Variants in CHD7 observed in about 807,000 individuals in gnomAD.
CHD7 encodes ATP-dependent chromatin remodeler CHD7.
In CHD7, 24 loss-of-function variants were observed where a neutral mutation model predicts 307.3. The ratio of observed to expected loss-of-function variants is 0.08; its 90% CI spans 0.06 to 0.11. CHD7 has a LOEUF of 0.11. CHD7 is among the 10% of genes least tolerant of loss of function. The pLI, the probability that CHD7 is intolerant of heterozygous loss-of-function variation, is 1.00. For missense variants in CHD7, 3,106 were observed against 3,727.1 expected (o/e 0.83, Z 4.34); for synonymous variants, 1,363 against 1,349.9 (o/e 1.01, Z -0.21).
intron 1 of CHD7, among the ~76,000 whole-genome samples, chr8:60,689,746 C>A (rs1806102511): frequency 1.3e-5 from 2 of 152,202 alleles, no homozygotes; most frequent in South Asian, 4.1e-4. Flanking sequence ...TTATCAATGG[C>A]AGACATTTTC....
intron 7 of CHD7, among the ~76,000 whole-genome samples, chr8:60,814,289 ATGCTTGTG>A (rs1281948536): frequency 6.6e-6 from 1 of 152,226 alleles, no homozygotes. Flanking sequence ...ACTTGCTTAT[ATGCTTGTG>A]TCCAGTTCAA....
rs556734086 is a variant in CHD7, at chr8:60,866,785, G to T, written c.*852G>T. ...CTTTGTAAATGTATTGTTTTTCTTT[G>T]TTGTGATGTCCTTTTATTTTTTTCT... On this transcript the variant is annotated 3_prime_UTR_variant, in exon 38 of 38. Transcript: ENST00000423902. 1 of 152,690 alleles carries T rather than the reference G, an allele frequency of 6.5e-6. No homozygotes were observed. Among genetic ancestry groups the T allele is most frequent in the East Asian group, 1.9e-4 (1 of 5,194 alleles). The allele number at this position is 152,690 out of a possible 1,614,324, so 9.5% of individuals were successfully genotyped here.
At chr8:60,754,109 A>G (rs1368590134) in intron 2 of CHD7, among the ~76,000 whole-genome samples, 1 of 152,098 alleles carries the variant, frequency 6.6e-6, no homozygotes. Flanking sequence ...CCCCTCCACT[A>G]TTCTGTGTAG....
chr8:60,770,267 A>C (rs1018705467), intron 2 of CHD7, among the ~76,000 whole-genome samples: 1 of 152,256 alleles, frequency 6.6e-6, no homozygotes, highest in Non-Finnish European at 1.5e-5. Context: ...AAATCTGAAC[A>C]GTTCTAAAAC....
rs1805948667 is a variant in CHD7 at position 60,861,093 on chromosome 8, A to G, written c.7798A>G (p.Thr2600Ala). 1.0e-5 allele frequency: 16 copies of G among 1,605,024 alleles called. No homozygotes were observed. The highest frequency in any genetic ancestry group is 1.2e-5 in the Non-Finnish European group (14 of 1,175,556). ...AGTTGAATGGCTGAAGCTGCACCCT[A>G]CTTACACTGTTGATATGCCAAGTTA... The part of the protein sequence containing the change: ...DLVEWLKLHP[T>A]YTVDMPSYVP... Residue 2600 changes from threonine (T) to alanine (A), a missense_variant, in exon 35 of 38, where the codon ACT (threonine) becomes GCT (alanine). Thr to Ala is a moderately conservative substitution (Grantham distance 58). Coordinates refer to ENST00000423902, the MANE Select transcript of CHD7 (RefSeq NM_017780.4).
At chr8:60,749,370 C>CAA (rs55661758) in intron 2 of CHD7, among the ~76,000 whole-genome samples, 895 of 56,228 alleles carry the variant, frequency 0.016, 95 homozygotes, top group African/African-American at 0.048. Flanking sequence ...GACTCTGTAT[C>CAA]AAAAAAAAAA....
At chr8:60,845,559 T>TGA (rs1805169937) in intron 23 of CHD7, 150 bp downstream of exon 23, 2 of 816,840 alleles carry the variant, frequency 2.4e-6, no homozygotes, top group East Asian at 5.4e-5. Context: ...TCTTGGTGTC[T>TGA]GAGGGGGGTC....
At chr8:60,710,924 G>A (rs527450982) in intron 1 of CHD7, among the ~76,000 whole-genome samples, 1 of 152,320 alleles carries the variant, frequency 6.6e-6, no homozygotes, top group East Asian at 1.9e-4. Flanking sequence ...TGTTAGCTTT[G>A]GAAAGTTACA....
intron 1 of CHD7, among the ~76,000 whole-genome samples, chr8:60,729,017 A>T (rs1368487923): frequency 3.3e-5 from 5 of 152,194 alleles, no homozygotes; most frequent in Admixed American, 6.5e-5. Flanking sequence ...GAAAAATTAG[A>T]TTTATTCTAC....
At chr8:60,811,008 G>A (rs1260804691) in intron 7 of CHD7, among the ~76,000 whole-genome samples, 5 of 152,260 alleles carry the variant, frequency 3.3e-5, no homozygotes, top group East Asian at 3.9e-4. Flanking sequence ...TCTAGGTTTT[G>A]TGCTCCTTAT....
intron 2 of CHD7, among the ~76,000 whole-genome samples, chr8:60,768,868 A>G (rs1810588199): frequency 6.6e-6 from 1 of 152,166 alleles, no homozygotes; most frequent in Admixed American, 6.5e-5. Flanking sequence ...GTTTGCAATA[A>G]TTCATACATA....
At chr8:60,749,457 T>C (rs774514035) in intron 2 of CHD7, among the ~76,000 whole-genome samples, 10 of 145,766 alleles carry the variant, frequency 6.9e-5, no homozygotes, top group Admixed American at 6.2e-4. Context: ...TGGAAAAAGG[T>C]GGCTGTGTTT....
intron 3 of CHD7, among the ~76,000 whole-genome samples, chr8:60,793,320 T>C (rs2150694165): frequency 6.6e-6 from 1 of 152,302 alleles, no homozygotes; most frequent in African/African-American, 2.4e-5. Context: ...CACGGCCTTT[T>C]TTCTTTTCTT....
At chr8:60,732,969 T>G (rs916386721) in intron 1 of CHD7, among the ~76,000 whole-genome samples, 1 of 152,100 alleles carries the variant, frequency 6.6e-6, no homozygotes, top group Non-Finnish European at 1.5e-5. Context: ...GTGCAGTGGC[T>G]CATACCTGTA....
intron 1 of CHD7, among the ~76,000 whole-genome samples, chr8:60,699,199 G>A (rs1806637168): frequency 6.6e-6 from 1 of 152,196 alleles, no homozygotes; most frequent in Admixed American, 6.5e-5. Flanking sequence ...TTTTGCTGGT[G>A]GTATCTTGGT....
At chr8:60,787,954 T>C (rs1811579994) in intron 3 of CHD7, among the ~76,000 whole-genome samples, 1 of 151,520 alleles carries the variant, frequency 6.6e-6, no homozygotes, top group Non-Finnish European at 1.5e-5. Context: ...CCTAGTAGCT[T>C]GGGTCTACAG....
At chr8:60,694,405 C>T (rs1284021404) in intron 1 of CHD7, among the ~76,000 whole-genome samples, 1 of 152,224 alleles carries the variant, frequency 6.6e-6, no homozygotes, top group Non-Finnish European at 1.5e-5. Flanking sequence ...ACACTTATGA[C>T]CCTGTGGAAC....
At chr8:60,802,606 G>A (rs974899868) in intron 6 of CHD7, among the ~76,000 whole-genome samples, 4 of 152,100 alleles carry the variant, frequency 2.6e-5, no homozygotes, top group African/African-American at 4.8e-5. Flanking sequence ...CCTGCCTTGG[G>A]CTCCCAAACT....
chr8:60,690,303 A>G (rs774222441), intron 1 of CHD7, among the ~76,000 whole-genome samples: 14 of 152,010 alleles, frequency 9.2e-5, no homozygotes, highest in Non-Finnish European at 1.6e-4. Context: ...TCTTTTCACA[A>G]TTTTGAATAA....
Sources: allele counts gnomAD v4.1 joint callset (sites outside exome capture counted in the v4.1 genomes callset), GRCh38; gene constraint gnomAD v4.1.1; transcripts MANE v1.5; gene names NCBI Gene and HGNC (gene_info 2026-07-23, HGNC 2026-07-21).